INTS9: variants seen among roughly 807,000 people sequenced by gnomAD.
The protein encoded by INTS9 is protein related to CPSF subunits of 74 kDa.
Under a neutral mutation model 79.7 loss-of-function variants are expected in INTS9, and 55 were observed. The observed-to-expected ratio is 0.69, with a 90% CI of 0.56 to 0.86. The LOEUF (loss-of-function observed/expected upper bound fraction) is 0.86. INTS9 is among the 40% of genes least tolerant of loss of function. The pLI, the probability that INTS9 is intolerant of heterozygous loss-of-function variation, is 0.00. For synonymous variants in INTS9, 319 were observed against 325.2 expected (o/e 0.98, Z 0.20); for missense variants, 721 against 831.5 (o/e 0.87, Z 1.64).
chr8:28,862,793 C>T lies in INTS9; in HGVS notation c.10-3230G>A, dbSNP rs138549705. On this transcript the variant is annotated intron_variant, in intron 1 of 16. Coordinates refer to ENST00000521022, the MANE Select transcript of INTS9 (RefSeq NM_018250.4). The stretch of plus-strand genomic sequence containing the variant: ...AGCCATGTAGAGGTAATTAAATGAC[C>T]CTAACCAAGGAAAGTTAACTATTTG... Among the ~76,000 whole-genome samples the T allele has an allele frequency of 3.9e-3, 587 of 152,162 alleles. 3 individuals are homozygous for T. Among genetic ancestry groups the T allele is most frequent in the African/African-American group, 0.013 (557 of 41,502 alleles).
chr8:28,843,027 G>T lies in INTS9; in HGVS notation c.261+3720C>A, dbSNP rs149704673. ...TTGGAGGTGAACTCATGGGATTATG[G>T]GTGGCCAAGTGCATTGTCCAATACT... On this transcript the variant is annotated intron_variant, in intron 4 of 16. Transcript: ENST00000521022. 1.2e-4 allele frequency among the ~76,000 whole-genome samples: 19 copies of T among 152,254 alleles called. No individual in the cohort carries two copies. The East Asian group carries it at 3.7e-3, about 29-fold the overall frequency.
At chr8:28,830,441 C>T (rs537091023) in intron 6 of INTS9, among the ~76,000 whole-genome samples, 92 of 152,052 alleles carry the variant, frequency 6.1e-4, no homozygotes, top group Non-Finnish European at 1.1e-3. Flanking sequence ...TGAGACCAAC[C>T]TGGCCAACAA....
intron 1 of INTS9, among the ~76,000 whole-genome samples, chr8:28,864,628 A>C (rs1808636080): frequency 6.6e-6 from 1 of 152,198 alleles, no homozygotes; most frequent in Admixed American, 6.5e-5. Flanking sequence ...GCATTATATT[A>C]TTATACTAAT....
At chr8:28,789,493 A>G (rs1444779222) in intron 10 of INTS9, among the ~76,000 whole-genome samples, 1 of 137,186 alleles carries the variant, frequency 7.3e-6, no homozygotes, top group Non-Finnish European at 1.7e-5. Context: ...GGAAGAATGA[A>G]GAATAAATGG....
Position 28,794,022 on chromosome 8 carries a change from A to G in INTS9, c.857-35T>C, listed in dbSNP as rs769888000. 14 of 1,477,428 alleles carry G rather than the reference A, an allele frequency of 9.5e-6. No homozygotes were observed. In the Admixed American group the frequency reaches 1.5e-4, roughly 16 times the overall value. 91.5% of individuals were successfully genotyped at this position (1,477,428 alleles called of 1,614,324 possible). ...TGGATGCCAGAGGAGAAAAAACATC[A>G]TATCAAAAGGGCAGTGTTATAAAGA... is the stretch of plus-strand genomic sequence containing the variant. On this transcript the variant is annotated intron_variant, in intron 9 of 16. Transcript: ENST00000521022.
chr8:28,771,867 CTT>C (rs879665056), intron 14 of INTS9, among the ~76,000 whole-genome samples: 3 of 147,062 alleles, frequency 2.0e-5, no homozygotes, highest in African/African-American at 2.5e-5. Context: ...CTGAAGGAGT[CTT>C]TTTTTTTTTG....
At chr8:28,884,168 C>CTTTTTTTTTTTTTTT (rs35799882) in intron 1 of INTS9, among the ~76,000 whole-genome samples, 1 of 46,946 alleles carries the variant, frequency 2.1e-5, no homozygotes, top group African/African-American at 8.9e-5. Flanking sequence ...ATCAGTGTAT[C>CTTTTTTTTTTTTTTT]TTTTTTTTTT....
rs73669452 is a variant in INTS9 at position 28,814,284 on chromosome 8, T to A, written c.489-672A>T. On this transcript the variant is annotated intron_variant, in intron 6 of 16. Transcript: ENST00000521022. ...CTGAAACAACACTGAACAGGGCTTC[T>A]CACACACACACACACACACACACAC... 2.9e-3 allele frequency among the ~76,000 whole-genome samples: 384 copies of A among 134,334 alleles called. 3 individuals are homozygous for A. The highest frequency in any genetic ancestry group is 8.1e-3 in the African/African-American group (284 of 34,880). 88.1% of individuals were successfully genotyped at this position (134,334 alleles called of 152,430 possible). A position where few individuals can be genotyped will look rare whatever the true frequency, so the allele number is the denominator to read the frequency against.
intron 6 of INTS9, among the ~76,000 whole-genome samples, chr8:28,832,125 AG>A (rs1806528186): frequency 6.6e-6 from 1 of 152,252 alleles, no homozygotes; most frequent in African/African-American, 2.4e-5. Context: ...TCCATGGGAA[AG>A]AAAACAAAGT....
chr8:28,844,360 G>A lies in INTS9; in HGVS notation c.261+2387C>T, dbSNP rs559905352. ...GTTCAAGACCAGCTTGGGCAACAAG[G>A]CAAAACCCCATCTCTACAAAAAATA... On this transcript the variant is annotated intron_variant, in intron 4 of 16. Coordinates refer to ENST00000521022, the MANE Select transcript of INTS9 (RefSeq NM_018250.4). 3.3e-5 allele frequency among the ~76,000 whole-genome samples: 5 copies of A among 152,006 alleles called. No individual in the cohort carries two copies. The South Asian group carries it at 1.0e-3, about 32-fold the overall frequency.
intron 1 of INTS9, among the ~76,000 whole-genome samples, chr8:28,885,485 G>A (rs950020994): frequency 2.6e-5 from 4 of 152,146 alleles, no homozygotes; most frequent in Non-Finnish European, 5.9e-5. Flanking sequence ...AATGGAAAGC[G>A]TTAAAATTGT....
intron 1 of INTS9, among the ~76,000 whole-genome samples, chr8:28,888,773 T>C (rs1810337697): frequency 1.3e-5 from 2 of 152,226 alleles, no homozygotes; most frequent in Admixed American, 1.3e-4. Flanking sequence ...CTTTTAATAC[T>C]TTCTCTGACT....
At chr8:28,843,186 C>T (rs1807300622) in intron 4 of INTS9, among the ~76,000 whole-genome samples, 1 of 152,214 alleles carries the variant, frequency 6.6e-6, no homozygotes, top group Non-Finnish European at 1.5e-5. Flanking sequence ...CTGGCAACTG[C>T]TGTTTATCTT....
intron 2 of INTS9, 82 bp downstream of exon 2, chr8:28,859,354 G>A (rs1808331454): frequency 6.9e-7 from 1 of 1,444,552 alleles, no homozygotes; most frequent in Non-Finnish European, 9.5e-7. Flanking sequence ...CAATATACTA[G>A]GTACTAGTAA....
At chr8:28,769,408 T>C (rs1467102790) in intron 16 of INTS9, among the ~76,000 whole-genome samples, 1 of 152,148 alleles carries the variant, frequency 6.6e-6, no homozygotes, top group South Asian at 2.1e-4. Context: ...CTTTTAATCA[T>C]AGTCAAGAAA....
rs763565163 is a variant in INTS9 at position 28,813,459 on chromosome 8, C to T, written c.609+33G>A. ...AACAACAATATGAATGGAAAGCATT[C>T]ATGAATAACTGAAATGTAATATGAA... On this transcript the variant is annotated intron_variant, in intron 7 of 16. Coordinates refer to ENST00000521022, the MANE Select transcript of INTS9 (RefSeq NM_018250.4). 6 of 1,599,446 alleles carry T rather than the reference C, an allele frequency of 3.8e-6. No homozygotes were observed. The South Asian group carries it at 6.7e-5, about 18-fold the overall frequency.
rs903370078 is a variant in INTS9 at position 28,777,859 on chromosome 8, G to T, written c.1365C>A (p.Ile455=). Residue 455 remains isoleucine, a synonymous_variant, in exon 13 of 17, where the codon ATC becomes ATA. Transcript: ENST00000521022. ...CTTCTTTAAGCAGCTTTGACACCTG[G>T]ATGAAGTTCAGCCGGGTGTCGATGG... ...YCPIDTRLNF[I]QVSKLLKEVQ... 1 of 1,612,156 alleles carries T rather than the reference G, an allele frequency of 6.2e-7. No homozygotes were observed. The highest frequency in any genetic ancestry group is 8.5e-7 in the Non-Finnish European group (1 of 1,179,042).
intron 1 of INTS9, among the ~76,000 whole-genome samples, chr8:28,870,011 G>C (rs1808984080): frequency 6.6e-6 from 1 of 152,040 alleles, no homozygotes; most frequent in African/African-American, 2.4e-5. Flanking sequence ...AATGTTGATA[G>C]TAAATCATTA....
At chr8:28,809,145 G>T (rs1369094695) in intron 8 of INTS9, among the ~76,000 whole-genome samples, 1 of 151,982 alleles carries the variant, frequency 6.6e-6, no homozygotes, top group African/African-American at 2.4e-5. Flanking sequence ...TTTTCGTAGA[G>T]ATGGGATCTT....
Sources: gnomAD v4.1 joint callset for allele counts (sites outside exome capture counted in the v4.1 genomes callset) on GRCh38, gnomAD v4.1.1 for gene constraint, MANE v1.5 for transcripts, NCBI Gene and HGNC (gene_info 2026-07-23, HGNC 2026-07-21) for gene names.